The following GRIA1 variants were observed in gnomAD, a reference collection of about 807,000 sequenced individuals.
The protein encoded by GRIA1 is glutamate ionotropic receptor AMPA type subunit 1, also known as glutamate receptor 1.
In GRIA1, 31 loss-of-function variants were observed where a neutral mutation model predicts 99.2. The ratio of observed to expected loss-of-function variants is 0.31; its 90% CI spans 0.23 to 0.42. The LOEUF is 0.42. Among genes scored for constraint, GRIA1 ranks in the 10% least tolerant of loss-of-function variants. The pLI is 1.00. For synonymous variants in GRIA1, 438 were observed against 432.4 expected, an observed-to-expected ratio of 1.01 and a Z score of -0.16; for missense variants, 782 against 1,157.5, an observed-to-expected ratio of 0.68 and a Z score of 4.71.
Position 153,726,093 on chromosome 5 carries a change from A to C in GRIA1, c.1823+20026A>C, listed in dbSNP as rs1187295417. Among the ~76,000 whole-genome samples, 28 of 152,248 alleles carry C rather than the reference A, an allele frequency of 1.8e-4. 1 individual carries two copies. In the South Asian group the frequency reaches 5.8e-3, roughly 32 times the overall value. On this transcript the variant is annotated intron_variant, in intron 11 of 15. Coordinates refer to ENST00000285900, the MANE Select transcript of GRIA1 (RefSeq NM_000827.4). Reference sequence around the variant, plus strand: ...AACTCAGGATTAAGAAACTCACTCAAAACCACTCAACTACATGGAAACTGA... The same window carrying C: ...AACTCAGGATTAAGAAACTCACTCACAACCACTCAACTACATGGAAACTGA...
chr5:153,570,680 A>G (rs1290541338), intron 2 of GRIA1, among the ~76,000 whole-genome samples: 1 of 152,194 alleles, frequency 6.6e-6, no homozygotes, highest in East Asian at 1.9e-4. Flanking sequence ...CTGGCGCCTT[A>G]TCTTCTCCAA....
In GRIA1 at chr5:153,785,700, A is replaced by G. The variant is rs1023135119; in HGVS notation, c.2271-8921A>G. ...CAAACCAGTTCCAGCTCATTGGATG[A>G]GCCGTTTGGGAACCACTGATTTAAT... is the stretch of plus-strand genomic sequence containing the variant. On this transcript the variant is annotated intron_variant, in intron 13 of 15. Transcript: ENST00000285900. Among the ~76,000 whole-genome samples the G allele has an allele frequency of 2.6e-5, 4 of 152,334 alleles. No individual in the cohort carries two copies. The South Asian group carries it at 8.3e-4, about 32-fold the overall frequency.
rs150626993 is a variant in GRIA1, at chr5:153,674,541, C to T, written c.741C>T (p.Gly247=). 40 of 1,613,950 alleles carry T rather than the reference C, an allele frequency of 2.5e-5. No homozygotes were observed. The highest frequency in any genetic ancestry group is 8.9e-5 in the East Asian group (4 of 44,878). The change falls in exon 6 of 16, where the codon GGC becomes GGT. Residue 247 remains glycine, a synonymous_variant. Coordinates refer to ENST00000285900, the MANE Select transcript of GRIA1 (RefSeq NM_000827.4). ...DIDLNKFKES[G]ANVTGFQLVN... ...ACTTAAACAAATTCAAGGAGAGTGG[C>T]GCCAATGTGACAGGTTTCCAGCTGG... is the stretch of plus-strand genomic sequence containing the variant.
chr5:153,645,802 T>A (rs1014291373), intron 2 of GRIA1, among the ~76,000 whole-genome samples: 2 of 152,156 alleles, frequency 1.3e-5, no homozygotes, highest in African/African-American at 4.8e-5. Flanking sequence ...CTTTTTTATC[T>A]TAAAAGAAAA....
At chr5:153,760,255 G>A (rs540409036) in intron 11 of GRIA1, among the ~76,000 whole-genome samples, 9 of 152,058 alleles carry the variant, frequency 5.9e-5, no homozygotes, top group South Asian at 2.1e-4. Flanking sequence ...AAGTCAGATC[G>A]TCCCTGTTTG....
chr5:153,612,438 A>G (rs116276616), intron 2 of GRIA1, among the ~76,000 whole-genome samples: 1 of 152,362 alleles, frequency 6.6e-6, no homozygotes, highest in Non-Finnish European at 1.5e-5. Context: ...GCCTTTGTGC[A>G]AGTTAACTTA....
intron 2 of GRIA1, among the ~76,000 whole-genome samples, chr5:153,545,503 G>A (rs1164724402): frequency 6.6e-6 from 1 of 152,024 alleles, no homozygotes; most frequent in African/African-American, 2.4e-5. Flanking sequence ...TGCATTTCAG[G>A]GTCGGCTTAA....
intron 2 of GRIA1, among the ~76,000 whole-genome samples, chr5:153,594,183 C>G (rs1256597198): frequency 6.6e-6 from 1 of 152,124 alleles, no homozygotes. Context: ...AACTTCAAGA[C>G]AATCGCCTTT....
At chr5:153,745,589 C>CAAAAAAAAAAAAAAA (rs58166158) in intron 11 of GRIA1, among the ~76,000 whole-genome samples, 3 of 100,904 alleles carry the variant, frequency 3.0e-5, no homozygotes, top group African/African-American at 7.7e-5. Flanking sequence ...AACTCTGTCT[C>CAAAAAAAAAAAAAAA]AAAAAAAAAA....
intron 2 of GRIA1, among the ~76,000 whole-genome samples, chr5:153,616,675 C>T (rs181025813): frequency 2.0e-4 from 31 of 152,154 alleles, no homozygotes; most frequent in Middle Eastern, 3.4e-3. Flanking sequence ...AAGTGTGGAA[C>T]GAATGAATTT....
intron 2 of GRIA1, among the ~76,000 whole-genome samples, chr5:153,500,570 TTCTCTCTCTC>T (rs3064315): frequency 4.6e-5 from 6 of 129,074 alleles, no homozygotes. Flanking sequence ...CTGCCTCTCT[TTCTCTCTCTC>T]TCTCTCTCTC....
intron 2 of GRIA1, among the ~76,000 whole-genome samples, chr5:153,644,307 C>T (rs1753980049): frequency 6.6e-6 from 1 of 152,080 alleles, no homozygotes; most frequent in African/African-American, 2.4e-5. Context: ...AGAGTGTACT[C>T]ATTAGGGTGG....
chr5:153,746,701 G>A (rs560311943), intron 11 of GRIA1, among the ~76,000 whole-genome samples: 36 of 152,232 alleles, frequency 2.4e-4, no homozygotes, highest in Admixed American at 1.8e-3. Context: ...CATATGTTTT[G>A]GTATTATGGG....
chr5:153,630,662 A>G (rs915106081), intron 2 of GRIA1, among the ~76,000 whole-genome samples: 6 of 152,184 alleles, frequency 3.9e-5, no homozygotes, highest in African/African-American at 7.2e-5. Flanking sequence ...CCTGCACAGC[A>G]CCCTCAAAGA....
chr5:153,758,037 C>T (rs1258260597), intron 11 of GRIA1, among the ~76,000 whole-genome samples: 1 of 151,862 alleles, frequency 6.6e-6, no homozygotes, highest in Non-Finnish European at 1.5e-5. Flanking sequence ...TATTGTAAGC[C>T]TCATGGTAGC....
At chr5:153,693,532 C>A (rs1456169445) in intron 8 of GRIA1, among the ~76,000 whole-genome samples, 4 of 152,260 alleles carry the variant, frequency 2.6e-5, no homozygotes, top group African/African-American at 7.2e-5. Flanking sequence ...GATGACTGTG[C>A]AATATAGATC....
At chr5:153,595,993 A>G (rs778824) in intron 2 of GRIA1, among the ~76,000 whole-genome samples, 147,988 of 151,152 alleles carry the variant, frequency 0.98, 72,490 homozygotes, top group East Asian at 1. Flanking sequence ...CTCAAGGACT[A>G]TAACCTTATT....
intron 13 of GRIA1, among the ~76,000 whole-genome samples, chr5:153,783,493 A>G (rs992595064): frequency 2.0e-5 from 3 of 152,176 alleles, no homozygotes; most frequent in Non-Finnish European, 2.9e-5. Flanking sequence ...CTTGCCTTAG[A>G]AATGCTTGCT....
intron 2 of GRIA1, among the ~76,000 whole-genome samples, chr5:153,590,984 G>T (rs1169008863): frequency 5.3e-5 from 8 of 152,096 alleles, no homozygotes; most frequent in Non-Finnish European, 1.2e-4. Flanking sequence ...CTGCAAAGTG[G>T]GTTGCTATAT....
Sources: allele counts gnomAD v4.1 joint callset (sites outside exome capture counted in the v4.1 genomes callset), GRCh38; gene constraint gnomAD v4.1.1; transcripts MANE v1.5; gene names NCBI Gene and HGNC (gene_info 2026-07-23, HGNC 2026-07-21).